Variants in ITFG1 observed in about 807,000 individuals in gnomAD.
ITFG1 encodes the protein integrin alpha FG-GAP repeat containing 1.
Under a neutral mutation model 81.8 loss-of-function variants are expected in ITFG1, and 34 were observed. The ratio of observed to expected loss-of-function variants is 0.42; its 90% CI spans 0.32 to 0.55. ITFG1 has a LOEUF of 0.55. Ranked by LOEUF, ITFG1 falls within the 20% of genes least tolerant of loss-of-function variation. ITFG1 has a pLI of 0.17. For missense variants in ITFG1, 672 were observed against 755.4 expected, an observed-to-expected ratio of 0.89 and a Z score of 1.29; for synonymous variants, 285 against 270.6, an observed-to-expected ratio of 1.05 and a Z score of -0.52.
At chr16:47,400,021 C>T (rs1254021033) in intron 6 of ITFG1, among the ~76,000 whole-genome samples, 4 of 152,182 alleles carry the variant, frequency 2.6e-5, no homozygotes, top group African/African-American at 4.8e-5. Context: ...CATGTGTTCT[C>T]TCATTTGATT....
chr16:47,363,831 C>CT (rs1210415927), intron 8 of ITFG1, among the ~76,000 whole-genome samples: 9 of 151,188 alleles, frequency 6.0e-5, no homozygotes, highest in African/African-American at 1.5e-4. Flanking sequence ...CTAGTCTTCT[C>CT]TTTTTTTTTA....
chr16:47,433,706 G>A (rs1010594061), intron 5 of ITFG1, among the ~76,000 whole-genome samples: 1 of 149,792 alleles, frequency 6.7e-6, no homozygotes, highest in African/African-American at 2.5e-5. Flanking sequence ...TTTACCAAAG[G>A]TGTACAGAAA....
chr16:47,202,295 A>G (rs1965435209), intron 14 of ITFG1: 1 of 152,248 alleles, frequency 6.6e-6, no homozygotes, highest in Non-Finnish European at 1.5e-5. Flanking sequence ...AATACACTCA[A>G]GTAGTTTAGG....
intron 13 of ITFG1, among the ~76,000 whole-genome samples, chr16:47,233,975 C>A (rs1459377364): frequency 6.6e-6 from 1 of 152,192 alleles, no homozygotes; most frequent in Non-Finnish European, 1.5e-5. Flanking sequence ...TCCAACACAA[C>A]AGCTACTGTG....
At chr16:47,226,687 C>G (rs1965762550) in intron 13 of ITFG1, among the ~76,000 whole-genome samples, 1 of 151,858 alleles carries the variant, frequency 6.6e-6, no homozygotes, top group African/African-American at 2.4e-5. Flanking sequence ...ACTCCCTTTT[C>G]TATTACATAG....
intron 14 of ITFG1, among the ~76,000 whole-genome samples, chr16:47,197,849 G>A (rs911886002): frequency 2.0e-5 from 3 of 152,324 alleles, no homozygotes; most frequent in African/African-American, 7.2e-5. Context: ...TGCCAGAAAC[G>A]TGAGGGGATC....
rs1964679692 is a variant in ITFG1, at chr16:47,154,882, A to G, written c.*837T>C. On this transcript the variant is annotated 3_prime_UTR_variant, in exon 18 of 18. Transcript: ENST00000320640. ...CAAGTAAATCTTTATGTCAATCACC[A>G]AAAATTTAGCTTTTCCAAAGAATAT... 1 of 152,226 alleles carries G rather than the reference A, an allele frequency of 6.6e-6. No homozygotes were observed. The highest frequency in any genetic ancestry group is 1.5e-5 in the Non-Finnish European group (1 of 68,042). 9.4% of individuals were successfully genotyped at this position (152,226 alleles called of 1,614,324 possible).
At chr16:47,204,183 G>C (rs1965463143) in intron 14 of ITFG1, among the ~76,000 whole-genome samples, 1 of 152,160 alleles carries the variant, frequency 6.6e-6, no homozygotes, top group African/African-American at 2.4e-5. Flanking sequence ...TTTATCCCCA[G>C]TAAAATCTTT....
At chr16:47,244,808 A>C (rs2151536503) in intron 12 of ITFG1, among the ~76,000 whole-genome samples, 1 of 152,150 alleles carries the variant, frequency 6.6e-6, no homozygotes, top group Admixed American at 6.5e-5. Flanking sequence ...GTGTCTCCTA[A>C]TAAGTGAGCT....
intron 14 of ITFG1, chr16:47,218,567 T>C (rs529129854): frequency 5.7e-6 from 1 of 175,106 alleles, no homozygotes; most frequent in African/African-American, 2.4e-5. Flanking sequence ...TAATTTGCAC[T>C]TCACTTTCTG....
chr16:47,329,253 A>G (rs1967605545), intron 8 of ITFG1, among the ~76,000 whole-genome samples: 1 of 152,194 alleles, frequency 6.6e-6, no homozygotes, highest in Non-Finnish European at 1.5e-5. Context: ...AAAAGAAGTC[A>G]TGCTTGGGGG....
chr16:47,454,131 T>G lies in ITFG1; in HGVS notation c.309A>C (p.Val103=). 2 of 1,606,716 alleles carry G rather than the reference T, an allele frequency of 1.2e-6. No individual in the cohort carries two copies. The highest frequency in any genetic ancestry group is 1.7e-6 in the Non-Finnish European group (2 of 1,174,850). The change falls in exon 3 of 18, where the codon GTA becomes GTC. Residue 103 remains valine (V), a synonymous_variant. Transcript: ENST00000320640. ...FKNHSALITS[V]VPGDYDGDSQ... is the part of the protein sequence containing the mutation. ...AATCTCCATCATAATCCCCAGGGAC[T>G]ACACTTGTTATCAATGCACTGTGAT...
At chr16:47,424,353 G>C (rs1262003723) in intron 6 of ITFG1, among the ~76,000 whole-genome samples, 2 of 152,056 alleles carry the variant, frequency 1.3e-5, no homozygotes, top group African/African-American at 4.8e-5. Flanking sequence ...AAGGTTTTTA[G>C]CTTCCTTGCG....
At chr16:47,332,720 A>T (rs1459165732) in intron 8 of ITFG1, among the ~76,000 whole-genome samples, 1 of 152,198 alleles carries the variant, frequency 6.6e-6, no homozygotes, top group Non-Finnish European at 1.5e-5. Flanking sequence ...AGACAGGGAG[A>T]GGCAAGACTT....
intron 5 of ITFG1, chr16:47,448,781 A>G (rs1254819589): frequency 6.6e-6 from 1 of 152,112 alleles, no homozygotes; most frequent in Non-Finnish European, 1.5e-5. Context: ...ATTATCAATA[A>G]CGTCACATCA....
At chr16:47,188,515 A>T in intron 14 of ITFG1, among the ~76,000 whole-genome samples, 1 of 150,454 alleles carries the variant, frequency 6.6e-6, no homozygotes, top group Non-Finnish European at 1.5e-5. Context: ...TTGCAAGAAC[A>T]AAAAACCAAA....
At chr16:47,157,261 T>C (rs1964726045) in intron 17 of ITFG1, among the ~76,000 whole-genome samples, 1 of 151,932 alleles carries the variant, frequency 6.6e-6, no homozygotes, top group South Asian at 2.1e-4. Context: ...TTAGATGAAA[T>C]TGGCAGGGAA....
chr16:47,365,304 C>T (rs181128406), intron 8 of ITFG1, among the ~76,000 whole-genome samples: 2 of 152,250 alleles, frequency 1.3e-5, no homozygotes, highest in Admixed American at 1.3e-4. Context: ...CCAATGTGAA[C>T]TTGATTGTGC....
chr16:47,186,441 C>T (rs1269425605), intron 14 of ITFG1, among the ~76,000 whole-genome samples: 2 of 152,178 alleles, frequency 1.3e-5, no homozygotes, highest in Non-Finnish European at 2.9e-5. Flanking sequence ...CCCTGGGATG[C>T]AAGGCTGGTT....
Sources: allele counts gnomAD v4.1 joint callset (sites outside exome capture counted in the v4.1 genomes callset), GRCh38; gene constraint gnomAD v4.1.1; transcripts MANE v1.5; gene names NCBI Gene and HGNC (gene_info 2026-07-23, HGNC 2026-07-21).